The following SUGCT variants were observed in gnomAD, a reference collection of about 807,000 sequenced individuals.
SUGCT encodes the protein succinyl-CoA:glutarate-CoA transferase.
In SUGCT, 41 loss-of-function variants were observed where a neutral mutation model predicts 55.0. The observed-to-expected ratio is 0.74, with a 90% CI of 0.58 to 0.97. The LOEUF is 0.97. Ranked by LOEUF, SUGCT falls within the 50% of genes least tolerant of loss-of-function variation. The probability of loss-of-function intolerance (pLI) is 0.00; values close to 1 mark genes in which losing one functional copy is unlikely to be tolerated. For missense variants in SUGCT, 568 were observed against 547.8 expected (o/e 1.04, Z -0.37); for synonymous variants, 187 against 200.4 (o/e 0.93, Z 0.56).
At chr7:40,352,167 C>T (rs1451643961) in intron 9 of SUGCT, among the ~76,000 whole-genome samples, 2 of 152,022 alleles carry the variant, frequency 1.3e-5, no homozygotes, top group African/African-American at 4.8e-5. Context: ...ATTTTTTGTT[C>T]TGAGATAATT....
At chr7:40,179,508 C>G (rs1785081474) in intron 1 of SUGCT, among the ~76,000 whole-genome samples, 1 of 152,194 alleles carries the variant, frequency 6.6e-6, no homozygotes, top group African/African-American at 2.4e-5. Context: ...GTCTGGAACT[C>G]CTGACCTCAG....
intron 13 of SUGCT, among the ~76,000 whole-genome samples, chr7:40,773,482 T>C (rs1789289653): frequency 6.6e-6 from 1 of 152,174 alleles, no homozygotes; most frequent in Non-Finnish European, 1.5e-5. Context: ...AGTCTGTCTT[T>C]CTCACATACG....
At chr7:40,899,679 A>G in the SUGCT span, among the ~76,000 whole-genome samples, 1 of 151,912 alleles carries the variant, frequency 6.6e-6, no homozygotes, top group Non-Finnish European at 1.5e-5. Context: ...TGTTTTTACC[A>G]TATCACCCCC....
At chr7:41,028,631 T>C in the SUGCT span, among the ~76,000 whole-genome samples, 1 of 152,340 alleles carries the variant, frequency 6.6e-6, no homozygotes, top group South Asian at 2.1e-4. Context: ...TACATAATGA[T>C]AAGCATTTTT....
At chr7:40,927,509 A>G in the SUGCT span, among the ~76,000 whole-genome samples, 1 of 152,186 alleles carries the variant, frequency 6.6e-6, no homozygotes, top group African/African-American at 2.4e-5. Flanking sequence ...TTCTTGTCTT[A>G]GCATTAAACA....
At chr7:40,998,897 T>C in the SUGCT span, among the ~76,000 whole-genome samples, 41 of 152,356 alleles carry the variant, frequency 2.7e-4, no homozygotes, top group African/African-American at 9.9e-4. Flanking sequence ...GATTTCACTA[T>C]GCAGAAAATG....
At chr7:40,450,619 TACAA>T (rs941674647) in intron 10 of SUGCT, among the ~76,000 whole-genome samples, 1 of 151,916 alleles carries the variant, frequency 6.6e-6, no homozygotes, top group Admixed American at 6.6e-5. Flanking sequence ...TACTAATAAA[TACAA>T]ACAATTAGCC....
chr7:40,659,012 C>G (rs1256548859), intron 12 of SUGCT, among the ~76,000 whole-genome samples: 1 of 152,142 alleles, frequency 6.6e-6, no homozygotes, highest in African/African-American at 2.4e-5. Context: ...CATGGCTGCT[C>G]CAGTGAGGCT....
the SUGCT span, among the ~76,000 whole-genome samples, chr7:40,884,432 T>G: frequency 6.6e-6 from 1 of 152,340 alleles, no homozygotes; most frequent in East Asian, 1.9e-4. Context: ...TGTCCCTTTA[T>G]GACTGAGTTT....
chr7:40,409,118 C>G (rs1023157919), intron 9 of SUGCT, among the ~76,000 whole-genome samples: 11 of 151,732 alleles, frequency 7.2e-5, no homozygotes, highest in Non-Finnish European at 7.4e-5. Context: ...CTGCACCTGG[C>G]CAAGTTTTGT....
chr7:40,605,096 CGGG>C (rs1798461363), intron 12 of SUGCT, among the ~76,000 whole-genome samples: 1 of 152,212 alleles, frequency 6.6e-6, no homozygotes, highest in Admixed American at 6.5e-5. Flanking sequence ...TTTGCTAACA[CGGG>C]GGCAGATTTT....
chr7:40,246,297 T>G (rs7807379), intron 7 of SUGCT, among the ~76,000 whole-genome samples: 18,353 of 151,592 alleles, frequency 0.12, 1,354 homozygotes, highest in Middle Eastern at 0.19. Flanking sequence ...TCATCCAGGA[T>G]AGAGTGTAGT....
intron 8 of SUGCT, among the ~76,000 whole-genome samples, chr7:40,296,908 T>A (rs1442332975): frequency 6.6e-6 from 1 of 152,116 alleles, no homozygotes; most frequent in African/African-American, 2.4e-5. Flanking sequence ...AAATCCTCAA[T>A]ATACTGCTAA....
chr7:40,250,872 T>C (rs1039865387), intron 7 of SUGCT, among the ~76,000 whole-genome samples: 1 of 148,260 alleles, frequency 6.7e-6, no homozygotes, highest in Non-Finnish European at 1.5e-5. Flanking sequence ...GGTCTCACCC[T>C]TTTGCCCAGG....
At chr7:40,941,229 T>C in the SUGCT span, among the ~76,000 whole-genome samples, 1 of 152,146 alleles carries the variant, frequency 6.6e-6, no homozygotes, top group Non-Finnish European at 1.5e-5. Flanking sequence ...GCTGTAAACA[T>C]TCCTTTTAAC....
At chr7:40,732,685 T>C (rs2128696711) in intron 12 of SUGCT, among the ~76,000 whole-genome samples, 1 of 152,292 alleles carries the variant, frequency 6.6e-6, no homozygotes, top group South Asian at 2.1e-4. Context: ...CTCTCCCTGA[T>C]ACTTAAGCAG....
intron 6 of SUGCT, among the ~76,000 whole-genome samples, chr7:40,214,334 G>A (rs541438172): frequency 6.6e-6 from 1 of 152,278 alleles, no homozygotes; most frequent in Non-Finnish European, 1.5e-5. Context: ...TTTATTAAAT[G>A]TTAGTCACTG....
intron 9 of SUGCT, among the ~76,000 whole-genome samples, chr7:40,339,313 C>G (rs910134643): frequency 2.6e-5 from 4 of 152,144 alleles, no homozygotes; most frequent in Non-Finnish European, 5.9e-5. Context: ...GGTTTCTCTG[C>G]CTTTTGTTTG....
the SUGCT span, among the ~76,000 whole-genome samples, chr7:40,915,009 TA>T: frequency 2.6e-5 from 4 of 152,204 alleles, no homozygotes; most frequent in Non-Finnish European, 4.4e-5. Flanking sequence ...ACCGTAATCA[TA>T]AATTAGTGCA....
Sources: allele counts gnomAD v4.1 joint callset (sites outside exome capture counted in the v4.1 genomes callset), GRCh38; gene constraint gnomAD v4.1.1; transcripts MANE v1.5; gene names NCBI Gene and HGNC (gene_info 2026-07-23, HGNC 2026-07-21).